Variants in TRPC6 observed in about 807,000 individuals in gnomAD.
The protein encoded by TRPC6 is short transient receptor potential channel 6.
TRPC6 carries 55 observed loss-of-function variants against 90.7 expected under a neutral mutation model. That is an observed-to-expected ratio of 0.61 (90% confidence interval 0.49 to 0.76). The LOEUF (loss-of-function observed/expected upper bound fraction) is 0.76, where lower values mean the gene tolerates loss of function less well. Among genes scored for constraint, TRPC6 ranks in the 30% least tolerant of loss-of-function variants. The pLI, the probability that TRPC6 is intolerant of heterozygous loss-of-function variation, is 0.00. For synonymous variants in TRPC6, 393 were observed against 393.0 expected (o/e 1.00, Z 0.00); for missense variants, 989 against 1,122.7 (o/e 0.88, Z 1.70).
intron 1 of TRPC6, among the ~76,000 whole-genome samples, chr11:101,556,483 G>C (rs1861562837): frequency 6.6e-6 from 1 of 152,034 alleles, no homozygotes; most frequent in Non-Finnish European, 1.5e-5. Context: ...TAGATACATA[G>C]AACCCGCCAA....
intron 1 of TRPC6, among the ~76,000 whole-genome samples, chr11:101,523,058 T>C (rs186030950): frequency 1.3e-5 from 2 of 152,328 alleles, no homozygotes; most frequent in East Asian, 1.9e-4. Context: ...GACTTTTAGA[T>C]ATGACACCAA....
Position 101,491,562 on chromosome 11 carries a change from T to C in TRPC6, c.1122A>G (p.Val374=). 1 of 1,613,926 alleles carries C rather than the reference T, an allele frequency of 6.2e-7. No individual in the cohort carries two copies. The highest frequency in any genetic ancestry group is 1.1e-5 in the South Asian group (1 of 91,080). The part of the protein sequence containing the change: ...SRLKLAIKYE[V]KKFVAHPNCQ... The stretch of plus-strand genomic sequence containing the variant: ...GCTTCACGCCTGACCTTACTTTTTT[T>C]ACTTCATATTTAATGGCAAGTTTTA... The change falls in exon 3 of 13, where the codon GTA becomes GTG. Residue 374 remains valine (V), a synonymous_variant. Transcript: ENST00000344327.
intron 10 of TRPC6, among the ~76,000 whole-genome samples, chr11:101,464,006 T>G (rs999108920): frequency 6.6e-6 from 1 of 152,242 alleles, no homozygotes; most frequent in Non-Finnish European, 1.5e-5. Flanking sequence ...GTACCTTGTG[T>G]CTTTGTTCTC....
intron 1 of TRPC6, among the ~76,000 whole-genome samples, chr11:101,581,204 C>G (rs182412332): frequency 6.6e-6 from 1 of 152,270 alleles, no homozygotes; most frequent in African/African-American, 2.4e-5. Context: ...CTGCTCAGTT[C>G]TATTTATTAA....
At chr11:101,540,868 G>C (rs1011438176) in intron 1 of TRPC6, among the ~76,000 whole-genome samples, 1 of 152,072 alleles carries the variant, frequency 6.6e-6, no homozygotes, top group Non-Finnish European at 1.5e-5. Context: ...GGAGATAAAG[G>C]CACGCAGGAA....
At chr11:101,500,654 A>G (rs1430204594) in intron 2 of TRPC6, among the ~76,000 whole-genome samples, 1 of 43,888 alleles carries the variant, frequency 2.3e-5, no homozygotes, top group Non-Finnish European at 4.9e-5. Context: ...CTAAAATTTC[A>G]TATATATGTG....
rs763965902 is a variant in TRPC6 at position 101,583,446 on chromosome 11, C to T, written c.58G>A (p.Gly20Arg). ...RRGSSPRGAAGAAARRNESQD... is the reference protein window; with the variant it reads ...RRGSSPRGAARAAARRNESQD... ...CTCTCGTTGCGCCGCGCAGCGGCTCCGGCAGCGCCCCGGGGAGAACTGCCC... is the reference window on the plus strand; with the variant it reads ...CTCTCGTTGCGCCGCGCAGCGGCTCTGGCAGCGCCCCGGGGAGAACTGCCC... Residue 20 changes from glycine to arginine, a missense_variant, in exon 1 of 13, where the codon GGA becomes AGA. Physicochemically the swap from Gly to Arg is moderately radical, Grantham distance 125 (BLOSUM62 -2). Coordinates refer to ENST00000344327, the MANE Select transcript of TRPC6 (RefSeq NM_004621.6). 42 of 1,541,478 alleles carry T rather than the reference C, an allele frequency of 2.7e-5. No individual in the cohort carries two copies. The highest frequency in any genetic ancestry group is 7.2e-5 in the South Asian group (6 of 83,562).
intron 1 of TRPC6, among the ~76,000 whole-genome samples, chr11:101,510,592 C>T (rs1431886170): frequency 6.6e-6 from 1 of 152,128 alleles, no homozygotes; most frequent in African/African-American, 2.4e-5. Context: ...TTTATCACAA[C>T]ATATAAATAC....
chr11:101,484,637 A>C (rs1020143529), intron 4 of TRPC6, among the ~76,000 whole-genome samples: 1 of 75,130 alleles, frequency 1.3e-5, no homozygotes, highest in East Asian at 5.9e-4. Context: ...GTGTGTGTGT[A>C]TGAGTGCAGT....
chr11:101,565,946 A>T (rs1452097578), intron 1 of TRPC6, among the ~76,000 whole-genome samples: 2 of 152,182 alleles, frequency 1.3e-5, no homozygotes, highest in African/African-American at 4.8e-5. Context: ...GTACATGTTT[A>T]GACAAGGACT....
At chr11:101,526,901 A>AAATAG (rs911483091) in intron 1 of TRPC6, among the ~76,000 whole-genome samples, 1 of 146,096 alleles carries the variant, frequency 6.8e-6, no homozygotes, top group Non-Finnish European at 1.5e-5. Flanking sequence ...AAAAAAAATT[A>AAATAG]AATAGTCTTA....
intron 1 of TRPC6, among the ~76,000 whole-genome samples, chr11:101,544,544 G>A (rs1359549107): frequency 6.6e-6 from 1 of 152,138 alleles, no homozygotes; most frequent in East Asian, 1.9e-4. Context: ...GGAATAGTAT[G>A]CAGCCATAAA....
chr11:101,499,708 T>C (rs868041852), intron 2 of TRPC6, among the ~76,000 whole-genome samples: 1 of 67,902 alleles, frequency 1.5e-5, no homozygotes, highest in East Asian at 3.0e-4. Context: ...TATATATATA[T>C]ACACATTTTA....
Position 101,516,108 on chromosome 11 carries a change from GAA to G in TRPC6, c.171-11312_171-11311del, listed in dbSNP as rs10635008. On this transcript the variant is annotated intron_variant, in intron 1 of 12. Transcript: ENST00000344327. The stretch of plus-strand genomic sequence containing the variant: ...TGAATTTCTTTTAAAATGCAGCTGG[GAA>G]AAAAAAAAAAAAGCAGAGTTTCAAT... 6.0e-5 allele frequency among the ~76,000 whole-genome samples: 8 copies of G among 133,300 alleles called. No individual in the cohort carries two copies. In the East Asian group the frequency reaches 6.6e-4, roughly 11 times the overall value. The allele number at this position is 133,300 out of a possible 152,430, so 87.4% of individuals were successfully genotyped here. A position where few individuals can be genotyped will look rare whatever the true frequency, so the allele number is the denominator to read the frequency against.
intron 1 of TRPC6, among the ~76,000 whole-genome samples, chr11:101,578,627 G>A (rs4326755): frequency 0.48 from 73,206 of 151,872 alleles, 18,342 homozygotes; most frequent in South Asian, 0.62. Context: ...TTTTTTTCAT[G>A]TGAGAGGATA....
At chr11:101,566,210 A>G (rs765420657) in intron 1 of TRPC6, among the ~76,000 whole-genome samples, 1 of 152,236 alleles carries the variant, frequency 6.6e-6, no homozygotes, top group Non-Finnish European at 1.5e-5. Flanking sequence ...ACAACATGGT[A>G]CAAATCAAAA....
intron 1 of TRPC6, among the ~76,000 whole-genome samples, chr11:101,526,283 C>T (rs1018023100): frequency 6.6e-6 from 1 of 152,156 alleles, no homozygotes; most frequent in Admixed American, 6.5e-5. Flanking sequence ...CTTACAGAAA[C>T]TCTCAGTGTC....
intron 6 of TRPC6, 149 bp from the exon 7 acceptor site, chr11:101,473,922 T>C (rs1301378401): frequency 9.4e-7 from 1 of 1,059,024 alleles, no homozygotes; most frequent in Non-Finnish European, 1.4e-6. Flanking sequence ...AAGTGTCTGC[T>C]AGAGTTGAGC....
At chr11:101,537,982 TTAGTA>T (rs1413066456) in intron 1 of TRPC6, among the ~76,000 whole-genome samples, 1 of 152,216 alleles carries the variant, frequency 6.6e-6, no homozygotes, top group Non-Finnish European at 1.5e-5. Context: ...ATTGCAGTTC[TTAGTA>T]TATTTTTCTG....
Sources: allele counts gnomAD v4.1 joint callset (sites outside exome capture counted in the v4.1 genomes callset), GRCh38; gene constraint gnomAD v4.1.1; transcripts MANE v1.5; gene names NCBI Gene and HGNC (gene_info 2026-07-23, HGNC 2026-07-21).